Variants in DBH observed in about 807,000 individuals in gnomAD.
The protein encoded by DBH is dopamine beta-hydroxylase, also known as dopamine beta-hydroxylase (dopamine beta-monooxygenase).
DBH carries 49 observed loss-of-function variants against 64.0 expected under a neutral mutation model. That is an observed-to-expected ratio of 0.77 (90% confidence interval 0.61 to 0.97). The LOEUF (loss-of-function observed/expected upper bound fraction) is 0.97. DBH is among the 50% of genes least tolerant of loss of function. The pLI, the probability that DBH is intolerant of heterozygous loss-of-function variation, is 0.00. For synonymous variants in DBH, 343 were observed against 347.1 expected (o/e 0.99, Z 0.13); for missense variants, 828 against 826.6 (o/e 1.00, Z -0.02).
At chr9:133,657,511 A>G (rs942665853) in intron 11 of DBH, among the ~76,000 whole-genome samples, 16 of 149,878 alleles carry the variant, frequency 1.1e-4, no homozygotes, top group Non-Finnish European at 2.1e-4. Context: ...AGAGAGAGAG[A>G]GAGAGAGGGA....
At position 133,656,962 on chromosome 9, in the gene DBH, C is replaced by T. The variant is rs186164222; in HGVS notation, c.1563-108C>T. On this transcript the variant is annotated intron_variant, in intron 10 of 11. Coordinates refer to ENST00000393056, the MANE Select transcript of DBH (RefSeq NM_000787.4). Reference sequence around the variant, plus strand: ...CGGGGCTGGGGAGGAGGTGGCAGGACGGTTGCCCCAGGGACAGGACTCGAG... The same window carrying T: ...CGGGGCTGGGGAGGAGGTGGCAGGATGGTTGCCCCAGGGACAGGACTCGAG... 1,042 of 1,309,542 alleles carry T rather than the reference C, an allele frequency of 8.0e-4. 10 individuals are homozygous for T. In the Admixed American group the frequency reaches 0.015, roughly 19 times the overall value. 81.1% of individuals were successfully genotyped at this position (1,309,542 alleles called of 1,614,324 possible).
chr9:133,656,758 G>A, intron 10 of DBH, 108 bp downstream of exon 10: 2 of 1,390,708 alleles, frequency 1.4e-6, no homozygotes, highest in Non-Finnish European at 2.0e-6. Flanking sequence ...AGTTCTAGGA[G>A]CAGAGACCTG....
Position 133,656,706 on chromosome 9 carries a change from G to A in DBH, c.1562+56G>A, listed in dbSNP as rs186564504. The A allele has an allele frequency of 2.1e-4, 331 of 1,601,602 alleles. 1 individual carries two copies. In the East Asian group the frequency reaches 2.8e-3, roughly 14 times the overall value. ...CCAGGGAACCCCGACACAGAACCTC[G>A]GGCCTGTTAGGCGGCTGGGCAGATT... On this transcript the variant is annotated intron_variant, in intron 10 of 11. Transcript: ENST00000393056.
At chr9:133,654,270 A>G (rs7871224) in intron 9 of DBH, among the ~76,000 whole-genome samples, 66,614 of 151,888 alleles carry the variant, frequency 0.44, 14,831 homozygotes, top group East Asian at 0.59. Flanking sequence ...CGCCTGGCTA[A>G]TTTTTGTATT....
chr9:133,645,897 T>C (rs3025406), intron 5 of DBH, among the ~76,000 whole-genome samples: 13,711 of 152,140 alleles, frequency 0.09, 808 homozygotes, highest in African/African-American at 0.17. Flanking sequence ...AAAACTTCCA[T>C]GAAAGGGGTA....
intron 5 of DBH, among the ~76,000 whole-genome samples, chr9:133,646,722 C>T (rs546677521): frequency 6.6e-6 from 1 of 152,064 alleles, no homozygotes; most frequent in African/African-American, 2.4e-5. Context: ...CAGGGTTTCG[C>T]CATGTTGGTC....
chr9:133,640,028 G>A (rs966957350), intron 2 of DBH, 36 bp downstream of exon 2: 3 of 1,612,406 alleles, frequency 1.9e-6, no homozygotes, highest in South Asian at 1.1e-5. Flanking sequence ...GAGGGCGTGG[G>A]CTGCGTGTAT....
chr9:133,638,721 G>A (rs1029549121), intron 1 of DBH, among the ~76,000 whole-genome samples: 30 of 152,208 alleles, frequency 2.0e-4, no homozygotes, highest in African/African-American at 7.2e-4. Flanking sequence ...GGCAGGACAG[G>A]TGTAAACAAC....
Position 133,658,590 on chromosome 9 carries a change from C to T in DBH, c.*143C>T, listed in dbSNP as rs1341927097. On this transcript the variant is annotated 3_prime_UTR_variant, in exon 12 of 12. Coordinates refer to ENST00000393056, the MANE Select transcript of DBH (RefSeq NM_000787.4). ...CAGACCACGCCCCTGCCTGAGACCACGGTCCAATCCAGCCTTCTTCCCCCA... is the reference window on the plus strand; with the variant it reads ...CAGACCACGCCCCTGCCTGAGACCATGGTCCAATCCAGCCTTCTTCCCCCA... The T allele has an allele frequency of 2.0e-5, 19 of 970,008 alleles. No individual in the cohort carries two copies. Among genetic ancestry groups the T allele is most frequent in the East Asian group, 5.6e-5 (2 of 35,926 alleles). 60.1% of individuals were successfully genotyped at this position (970,008 alleles called of 1,614,324 possible). A position where few individuals can be genotyped will look rare whatever the true frequency, so the allele number is the denominator to read the frequency against.
At chr9:133,638,907 T>C (rs1343906329) in intron 1 of DBH, among the ~76,000 whole-genome samples, 1 of 152,262 alleles carries the variant, frequency 6.6e-6, no homozygotes, top group East Asian at 1.9e-4. Context: ...CGGGCCACCG[T>C]GTCCCTGCCC....
chr9:133,642,609 AG>A (rs747531316), intron 3 of DBH, 145 bp downstream of exon 3: 27 of 1,023,740 alleles, frequency 2.6e-5, no homozygotes, highest in Non-Finnish European at 3.9e-5. Context: ...CTGCCTGAGC[AG>A]GGGAGCAGCA....
intron 1 of DBH, among the ~76,000 whole-genome samples, chr9:133,638,698 G>T (rs997714636): frequency 2.9e-4 from 44 of 152,198 alleles, no homozygotes. Context: ...TCACACACGT[G>T]TGAATGTTGG....
rs1340203006 is a variant in DBH, at chr9:133,657,194, A to G, written c.1687A>G (p.Met563Val). Residue 563 changes from methionine to valine, a missense_variant, in exon 11 of 12, where the codon ATG becomes GTG. Physicochemically the swap from Met to Val is conservative, Grantham distance 21. Coordinates refer to ENST00000393056, the MANE Select transcript of DBH (RefSeq NM_000787.4). ...KALYSFAPIS[M>V]HCNKSSAVRF... ...CCTGTACAGCTTCGCGCCCATCTCC[A>G]TGCACTGCAACAAGTCCTCAGCCGT... 1 of 1,614,032 alleles carries G rather than the reference A, an allele frequency of 6.2e-7. No homozygotes were observed. Among genetic ancestry groups the G allele is most frequent in the Non-Finnish European group, 8.5e-7 (1 of 1,180,004 alleles).
intron 5 of DBH, among the ~76,000 whole-genome samples, chr9:133,646,976 C>T (rs1035768564): frequency 3.9e-5 from 6 of 152,160 alleles, no homozygotes; most frequent in African/African-American, 7.2e-5. Flanking sequence ...GAAGAAGCAC[C>T]ATGTTATTCC....
Position 133,656,284 on chromosome 9 carries a change from C to T in DBH, c.1435-239C>T, listed in dbSNP as rs1179422774. The T allele has an allele frequency of 3.2e-5, 17 of 527,050 alleles. No individual in the cohort carries two copies. The Admixed American group carries it at 4.3e-4, about 13-fold the overall frequency. 32.6% of individuals were successfully genotyped at this position (527,050 alleles called of 1,614,324 possible). A position where few individuals can be genotyped will look rare whatever the true frequency, so the allele number is the denominator to read the frequency against. ...ATCCGCTTGTCCCGTTTCATTTTTC[C>T]TCACAGCATCATCAGTACCTGATAC... On this transcript the variant is annotated intron_variant, in intron 9 of 11. Coordinates refer to ENST00000393056, the MANE Select transcript of DBH (RefSeq NM_000787.4).
intron 11 of DBH, 167 bp downstream of exon 11, chr9:133,657,396 A>AGC (rs1564215633): frequency 3.3e-6 from 2 of 607,286 alleles, no homozygotes; most frequent in African/African-American, 2.1e-5. Context: ...CCAGCCAGCC[A>AGC]GCAGAGAGAG....
At chr9:133,647,817 T>C (rs1832200365) in intron 5 of DBH, 29 bp from the exon 6 acceptor site, 2 of 1,613,920 alleles carry the variant, frequency 1.2e-6, no homozygotes, top group African/African-American at 2.7e-5. Context: ...CACTTACCGC[T>C]CACCTCCATC....
At chr9:133,646,524 A>G (rs928423959) in intron 5 of DBH, among the ~76,000 whole-genome samples, 25 of 151,554 alleles carry the variant, frequency 1.6e-4, no homozygotes, top group Admixed American at 1.2e-3. Flanking sequence ...GCATCCCTGA[A>G]CCTCTGTTTT....
rs543782856 is a variant in DBH, at chr9:133,640,838, C to G, written c.486+846C>G. Among the ~76,000 whole-genome samples, 9 of 152,300 alleles carry G rather than the reference C, an allele frequency of 5.9e-5. No homozygotes were observed. The South Asian group carries it at 1.7e-3, about 28-fold the overall frequency. ...TTTGGTCAGGAGGCAGATGCAGGAG[C>G]TAGGGGAGAGCCCAGGCCTGAGGCT... On this transcript the variant is annotated intron_variant, in intron 2 of 11. Coordinates refer to ENST00000393056, the MANE Select transcript of DBH (RefSeq NM_000787.4).
Sources: gnomAD v4.1 joint callset for allele counts (sites outside exome capture counted in the v4.1 genomes callset) on GRCh38, gnomAD v4.1.1 for gene constraint, MANE v1.5 for transcripts, NCBI Gene and HGNC (gene_info 2026-07-23, HGNC 2026-07-21) for gene names.